EXTL2: variants seen among roughly 807,000 people sequenced by gnomAD.
The protein encoded by EXTL2 is exostosin like glycosyltransferase 2.
Under a neutral mutation model 30.7 loss-of-function variants are expected in EXTL2, and 23 were observed. That is an observed-to-expected ratio of 0.75 (90% CI 0.54 to 1.06). The LOEUF (loss-of-function observed/expected upper bound fraction) is 1.06, where lower values mean the gene tolerates loss of function less well. Ranked by LOEUF, EXTL2 falls within the 50% of genes least tolerant of loss-of-function variation. The pLI is 0.00. For synonymous variants in EXTL2, 123 were observed against 133.8 expected (o/e 0.92, Z 0.56); for missense variants, 352 against 396.3 (o/e 0.89, Z 0.95).
intron 1 of EXTL2, among the ~76,000 whole-genome samples, chr1:100,893,235 A>G (rs1381464401): frequency 6.6e-6 from 1 of 152,250 alleles, no homozygotes; most frequent in African/African-American, 2.4e-5. Context: ...ATACAAAGGA[A>G]TTAAGAATTC....
intron 1 of EXTL2, among the ~76,000 whole-genome samples, chr1:100,890,147 A>C (rs964101049): frequency 6.6e-6 from 1 of 152,178 alleles, no homozygotes; most frequent in African/African-American, 2.4e-5. Context: ...CTAAACCTTA[A>C]TTCTTGACTT....
chr1:100,873,993 A>G lies in EXTL2; in HGVS notation c.942T>C (p.Ile314=). 1 of 1,588,632 alleles carries G rather than the reference A, an allele frequency of 6.3e-7. No homozygotes were observed. Among genetic ancestry groups the G allele is most frequent in the East Asian group, 2.2e-5 (1 of 44,656 alleles). The change falls in exon 5 of 5, where the codon ATT becomes ATC. Residue 314 remains isoleucine (I), a synonymous_variant. Transcript: ENST00000370114. ...YDSMPLRYSN[I]MISQFGFPYA... ...ATGGAAAACCAAACTGGGAAATCAT[A>G]ATGTTGGAGTATCTTAAGGGCATGC... is the stretch of plus-strand genomic sequence containing the variant.
At chr1:100,879,816 T>C (rs539921891) in intron 2 of EXTL2, among the ~76,000 whole-genome samples, 6 of 152,284 alleles carry the variant, frequency 3.9e-5, no homozygotes, top group Middle Eastern at 6.8e-3. Flanking sequence ...ACTTACATAG[T>C]AATATTTAAG....
chr1:100,890,183 T>C (rs550422273), intron 1 of EXTL2, among the ~76,000 whole-genome samples: 14 of 152,304 alleles, frequency 9.2e-5, no homozygotes, highest in Admixed American at 7.2e-4. Flanking sequence ...CTCAACACCA[T>C]GTATAAGCTG....
intron 2 of EXTL2, among the ~76,000 whole-genome samples, chr1:100,884,503 G>A (rs1005821843): frequency 1.3e-5 from 2 of 152,152 alleles, no homozygotes; most frequent in Non-Finnish European, 2.9e-5. Context: ...TTCTGACCAG[G>A]TTTATGGCAT....
intron 2 of EXTL2, among the ~76,000 whole-genome samples, chr1:100,880,540 G>A (rs961334923): frequency 5.9e-5 from 9 of 152,148 alleles, no homozygotes; most frequent in Admixed American, 5.2e-4. Flanking sequence ...AAGCTTTAGT[G>A]TACCATGTTT....
intron 1 of EXTL2, among the ~76,000 whole-genome samples, chr1:100,889,200 C>A (rs966942416): frequency 3.3e-5 from 5 of 152,136 alleles, no homozygotes; most frequent in African/African-American, 1.2e-4. Flanking sequence ...GAAGCAGGCA[C>A]CTTCTTTACA....
chr1:100,873,590 T>C lies in EXTL2; in HGVS notation c.*352A>G. On this transcript the variant is annotated 3_prime_UTR_variant, in exon 5 of 5. Transcript: ENST00000370114. ...GACCTTTAGTGAAAAAGCAGAGAAA[T>C]GCCTCTCTTGAGTTTCTGATCCTAG... The C allele has an allele frequency of 5.8e-6, 1 of 173,018 alleles. No individual in the cohort carries two copies. Among genetic ancestry groups the C allele is most frequent in the South Asian group, 1.7e-4 (1 of 5,878 alleles). 10.7% of individuals were successfully genotyped at this position (173,018 alleles called of 1,614,324 possible).
chr1:100,876,863 T>C lies in EXTL2; in HGVS notation c.435A>G (p.Ala145=), dbSNP rs1285064384. The C allele has an allele frequency of 1.2e-6, 2 of 1,609,270 alleles. No individual in the cohort carries two copies. Among genetic ancestry groups the C allele is most frequent in the Admixed American group, 1.7e-5 (1 of 59,750 alleles). The change falls in exon 4 of 5, where the codon GCA becomes GCG. Residue 145 remains alanine, a splice_region_variant and synonymous_variant. Transcript: ENST00000370114. The part of the protein sequence containing the change: ...LQVFPELETN[A]VLMVDDDTLI... ...GTGTGTCATCATCTACCATCAACACTGCTAAAATGAAAGGACAAAAATTTA... is the reference window on the plus strand; with the variant it reads ...GTGTGTCATCATCTACCATCAACACCGCTAAAATGAAAGGACAAAAATTTA...
At chr1:100,883,228 T>A (rs1365080475) in intron 2 of EXTL2, among the ~76,000 whole-genome samples, 1 of 152,214 alleles carries the variant, frequency 6.6e-6, no homozygotes, top group Non-Finnish European at 1.5e-5. Context: ...TAAGGAGAGA[T>A]TACATACAAT....
At chr1:100,884,549 C>T (rs568189001) in intron 2 of EXTL2, among the ~76,000 whole-genome samples, 38 of 152,290 alleles carry the variant, frequency 2.5e-4, no homozygotes, top group Middle Eastern at 6.8e-3. Context: ...AAGGCAAAGG[C>T]GCATGTGGTG....
In EXTL2 at chr1:100,876,793, C is replaced by G; in HGVS notation, c.504+1G>C. ...TTTCATAAAAGAGACAGCAACATTA[C>G]CTGCCAAACTGAGAAAGCAAAAACA... is the stretch of plus-strand genomic sequence containing the variant. On this transcript the variant is annotated splice_donor_variant, in intron 4 of 4. Transcript: ENST00000370114. LOFTEE classifies it high-confidence loss of function. 1.9e-6 allele frequency: 3 copies of G among 1,609,736 alleles called. No individual in the cohort carries two copies. Among genetic ancestry groups the G allele is most frequent in the Non-Finnish European group, 2.5e-6 (3 of 1,176,620 alleles).
chr1:100,880,566 T>G (rs1649471637), intron 2 of EXTL2, among the ~76,000 whole-genome samples: 1 of 152,190 alleles, frequency 6.6e-6, no homozygotes, highest in Non-Finnish European at 1.5e-5. Context: ...TTATCTACCC[T>G]CTTACTAAAA....
intron 2 of EXTL2, 141 bp from the exon 3 acceptor site, chr1:100,878,044 A>G (rs539470858): frequency 2.9e-6 from 2 of 689,784 alleles, no homozygotes; most frequent in South Asian, 2.0e-5. Flanking sequence ...TCAATAAGGT[A>G]ATTTGGCCTA....
intron 1 of EXTL2, among the ~76,000 whole-genome samples, chr1:100,890,032 C>A (rs1451607212): frequency 6.6e-6 from 1 of 152,248 alleles, no homozygotes; most frequent in Non-Finnish European, 1.5e-5. Context: ...CTCCCTTCCA[C>A]ACTGCCCTAG....
At chr1:100,894,499 A>G (rs542959754) in intron 1 of EXTL2, 134 bp downstream of exon 1, 1 of 152,366 alleles carries the variant, frequency 6.6e-6, no homozygotes, top group South Asian at 2.1e-4. Flanking sequence ...GAATAAGTAC[A>G]TATTTTCAAA....
intron 4 of EXTL2, 24 bp downstream of exon 4, chr1:100,876,770 T>C (rs753637835): frequency 2.5e-6 from 4 of 1,585,388 alleles, no homozygotes; most frequent in Non-Finnish European, 3.5e-6. Context: ...AAAGACGGTT[T>C]CATAAAAGAG....
chr1:100,891,469 G>A (rs1261035427), intron 1 of EXTL2, among the ~76,000 whole-genome samples: 1 of 152,180 alleles, frequency 6.6e-6, no homozygotes, highest in Non-Finnish European at 1.5e-5. Flanking sequence ...GAAAACTCAG[G>A]GATCAGAGTT....
At position 100,873,203 on chromosome 1, in the gene EXTL2, T is replaced by C. The variant is rs1352373875; in HGVS notation, c.*739A>G. 1 of 152,080 alleles carries C rather than the reference T, an allele frequency of 6.6e-6. No homozygotes were observed. Among genetic ancestry groups the C allele is most frequent in the Non-Finnish European group, 1.5e-5 (1 of 67,980 alleles). The allele number at this position is 152,080 out of a possible 1,614,324, so 9.4% of individuals were successfully genotyped here. A position where few individuals can be genotyped will look rare whatever the true frequency, so the allele number is the denominator to read the frequency against. ...GACAAAATGCACTACCCGAATCTAG[T>C]AACACATTTACTCCTTGCTGCATAT... On this transcript the variant is annotated 3_prime_UTR_variant, in exon 5 of 5. Transcript: ENST00000370114.
Sources: gnomAD v4.1 joint callset for allele counts (sites outside exome capture counted in the v4.1 genomes callset) on GRCh38, gnomAD v4.1.1 for gene constraint, MANE v1.5 for transcripts, NCBI Gene and HGNC (gene_info 2026-07-23, HGNC 2026-07-21) for gene names.